Variants in DSCAM observed in about 807,000 individuals in gnomAD.
DSCAM encodes DS cell adhesion molecule, also known as cell adhesion molecule DSCAM.
In DSCAM, 47 loss-of-function variants were observed where a neutral mutation model predicts 217.7. The ratio of observed to expected loss-of-function variants is 0.22; its 90% confidence interval spans 0.17 to 0.28. DSCAM has a LOEUF of 0.28. Among genes scored for constraint, DSCAM ranks in the 10% least tolerant of loss-of-function variants. DSCAM has a pLI of 1.00. For synonymous variants in DSCAM, 1,056 were observed against 1,015.3 expected (o/e 1.04, Z -0.76); for missense variants, 2,080 against 2,618.3 (o/e 0.79, Z 4.49).
chr21:40,637,069 T>C (rs1388668251), intron 3 of DSCAM, among the ~76,000 whole-genome samples: 2 of 132,714 alleles, frequency 1.5e-5, no homozygotes, highest in South Asian at 2.2e-4. Flanking sequence ...AACATAAAGG[T>C]TGGGTATTTT....
chr21:40,691,613 C>T (rs2090538635), intron 3 of DSCAM, among the ~76,000 whole-genome samples: 1 of 152,164 alleles, frequency 6.6e-6, no homozygotes, highest in Non-Finnish European at 1.5e-5. Flanking sequence ...ATTACAATCG[C>T]ATTTGAGTTA....
intron 25 of DSCAM, among the ~76,000 whole-genome samples, chr21:40,079,238 A>C (rs557442946): frequency 1.3e-5 from 2 of 152,174 alleles, no homozygotes; most frequent in Non-Finnish European, 2.9e-5. Context: ...TTCCCTAAAG[A>C]ACAATAGGAT....
rs571891293 is a variant in DSCAM at position 40,113,861 on chromosome 21, T to C, written c.3696+10334A>G. Among the ~76,000 whole-genome samples, 106 of 152,184 alleles carry C rather than the reference T, an allele frequency of 7.0e-4. 3 individuals carry two copies. The South Asian group carries it at 0.02, about 29-fold the overall frequency. ...CTAGGAATCCAACTTACAAGGGATGTGAAGGACCTCTTCAAGGAGAACTAC... is the reference window on the plus strand; with the variant it reads ...CTAGGAATCCAACTTACAAGGGATGCGAAGGACCTCTTCAAGGAGAACTAC... On this transcript the variant is annotated intron_variant, in intron 20 of 32. Coordinates refer to ENST00000400454, the MANE Select transcript of DSCAM (RefSeq NM_001389.5).
chr21:40,528,702 A>C (rs896392238), intron 3 of DSCAM, among the ~76,000 whole-genome samples: 1 of 151,850 alleles, frequency 6.6e-6, no homozygotes, highest in Non-Finnish European at 1.5e-5. Flanking sequence ...CTACTCCTCC[A>C]CTGCCAGGTA....
At chr21:40,596,213 T>C (rs2077020464) in intron 3 of DSCAM, among the ~76,000 whole-genome samples, 1 of 152,208 alleles carries the variant, frequency 6.6e-6, no homozygotes, top group South Asian at 2.1e-4. Context: ...CCTAGAAAAG[T>C]AGATGTTTTA....
At chr21:40,398,890 G>A (rs2075207258) in intron 3 of DSCAM, among the ~76,000 whole-genome samples, 1 of 152,044 alleles carries the variant, frequency 6.6e-6, no homozygotes, top group African/African-American at 2.4e-5. Context: ...ACCCAGCCTA[G>A]GAGTTTCTTT....
At chr21:40,660,571 T>C (rs1461861607) in intron 3 of DSCAM, among the ~76,000 whole-genome samples, 1 of 152,208 alleles carries the variant, frequency 6.6e-6, no homozygotes. Flanking sequence ...ACACACAGAA[T>C]AAAAATTCCA....
intron 3 of DSCAM, among the ~76,000 whole-genome samples, chr21:40,422,127 T>C (rs1389173527): frequency 1.3e-5 from 2 of 152,242 alleles, no homozygotes; most frequent in Non-Finnish European, 2.9e-5. Context: ...AATCAATTAC[T>C]ACACTCTTTT....
chr21:40,667,551 C>T (rs1328091669), intron 3 of DSCAM, among the ~76,000 whole-genome samples: 2 of 152,228 alleles, frequency 1.3e-5, no homozygotes, highest in African/African-American at 2.4e-5. Context: ...TTGGCTGTGT[C>T]CTCACCAACA....
intron 8 of DSCAM, among the ~76,000 whole-genome samples, chr21:40,332,386 C>G (rs1233027720): frequency 6.6e-6 from 1 of 152,188 alleles, no homozygotes; most frequent in Non-Finnish European, 1.5e-5. Context: ...CATCTCTCTT[C>G]TATTCTTTCC....
At chr21:40,103,252 T>C (rs1195135189) in intron 20 of DSCAM, among the ~76,000 whole-genome samples, 1 of 151,910 alleles carries the variant, frequency 6.6e-6, no homozygotes, top group Non-Finnish European at 1.5e-5. Context: ...TTTAAAAAGC[T>C]CTGATAGCTA....
chr21:40,080,805 T>C (rs1465434595), intron 24 of DSCAM, among the ~76,000 whole-genome samples: 1 of 152,176 alleles, frequency 6.6e-6, no homozygotes, highest in Non-Finnish European at 1.5e-5. Context: ...GGTCTCACAG[T>C]TCACAGACAC....
intron 1 of DSCAM, among the ~76,000 whole-genome samples, chr21:40,790,820 G>T (rs2091635956): frequency 6.6e-6 from 1 of 152,172 alleles, no homozygotes; most frequent in Admixed American, 6.5e-5. Context: ...ACTCAGATTT[G>T]TTATTCCACC....
chr21:40,128,241 A>G (rs2090117068), intron 19 of DSCAM, among the ~76,000 whole-genome samples: 1 of 148,554 alleles, frequency 6.7e-6, no homozygotes, highest in African/African-American at 2.5e-5. Flanking sequence ...TAGATCCTCA[A>G]TACAGATTTT....
chr21:40,210,148 G>C lies in DSCAM; in HGVS notation c.2357-20910C>G, dbSNP rs116626858. On this transcript the variant is annotated intron_variant, in intron 11 of 32. Coordinates refer to ENST00000400454, the MANE Select transcript of DSCAM (RefSeq NM_001389.5). ...TGGTTTTCCTTTTCCAGGTATGACT[G>C]GCTGGCACTGTTTTGCCATTCTGAA... is the stretch of plus-strand genomic sequence containing the variant. Among the ~76,000 whole-genome samples the C allele has an allele frequency of 3.7e-3, 563 of 152,164 alleles. 2 individuals are homozygous for C. Among genetic ancestry groups the C allele is most frequent in the African/African-American group, 0.012 (495 of 41,516 alleles).
In DSCAM at chr21:40,012,900, A is replaced by C; in HGVS notation, c.*134T>G. The C allele has an allele frequency of 1.6e-6, 1 of 614,844 alleles. No homozygotes were observed. Among genetic ancestry groups the C allele is most frequent in the Non-Finnish European group, 2.3e-6 (1 of 429,540 alleles). The allele number at this position is 614,844 out of a possible 1,614,324, so 38.1% of individuals were successfully genotyped here. On this transcript the variant is annotated 3_prime_UTR_variant, in exon 33 of 33. Coordinates refer to ENST00000400454, the MANE Select transcript of DSCAM (RefSeq NM_001389.5). ...TCTTTGCACTGTCTGTGGTTTCAGTATTTTCTCTTTTTTTTTTTTAATATA... is the reference window on the plus strand; with the variant it reads ...TCTTTGCACTGTCTGTGGTTTCAGTCTTTTCTCTTTTTTTTTTTTAATATA...
intron 1 of DSCAM, among the ~76,000 whole-genome samples, chr21:40,774,892 T>C (rs751787147): frequency 2.6e-5 from 4 of 152,026 alleles, no homozygotes; most frequent in Non-Finnish European, 4.4e-5. Flanking sequence ...ACTGCTATTA[T>C]TCATCTCTCA....
At chr21:40,813,008 G>A (rs1418495592) in intron 1 of DSCAM, among the ~76,000 whole-genome samples, 1 of 152,200 alleles carries the variant, frequency 6.6e-6, no homozygotes, top group African/African-American at 2.4e-5. Context: ...AATGGCAGAT[G>A]GAAATTCACC....
intron 3 of DSCAM, among the ~76,000 whole-genome samples, chr21:40,606,567 C>T (rs961178859): frequency 6.6e-6 from 1 of 152,186 alleles, no homozygotes; most frequent in African/African-American, 2.4e-5. Context: ...CAGGCCAGCC[C>T]CAAGTTTTAC....
Sources: allele counts gnomAD v4.1 joint callset (sites outside exome capture counted in the v4.1 genomes callset), GRCh38; gene constraint gnomAD v4.1.1; transcripts MANE v1.5; gene names NCBI Gene and HGNC (gene_info 2026-07-23, HGNC 2026-07-21).